ITPR2: variants seen among roughly 807,000 people sequenced by gnomAD.
ITPR2 encodes inositol 1,4,5-trisphosphate-gated calcium channel ITPR2.
In ITPR2, 207 loss-of-function variants were observed where a neutral mutation model predicts 317.1. The ratio of observed to expected loss-of-function variants is 0.65; its 90% CI spans 0.58 to 0.73. ITPR2 has a LOEUF of 0.73. ITPR2 is among the 30% of genes least tolerant of loss of function. ITPR2 has a pLI of 0.00. For missense variants in ITPR2, 2,613 were observed against 3,284.0 expected (o/e 0.80, Z 4.99); for synonymous variants, 1,156 against 1,149.1 (o/e 1.01, Z -0.12).
chr12:26,391,555 C>CTTTTTTTTTTTTTTTT lies in ITPR2; in HGVS notation c.7697-3962_7697-3961insAAAAAAAAAAAAAAAA, dbSNP rs1491173931. On this transcript the variant is annotated intron_variant, in intron 54 of 56. Transcript: ENST00000381340. ...AGCTTCTTCTTCTTCTTCTTCTTTTCCTTTTTTTTTTTTTTTTTTTTTTTT... is the reference window on the plus strand; with the variant it reads ...AGCTTCTTCTTCTTCTTCTTCTTTTCTTTTTTTTTTTTTTTTCTTTTTTTTTTTTTTTTTTTTTTTT... 1.0e-3 allele frequency among the ~76,000 whole-genome samples: 73 copies of CTTTTTTTTTTTTTTTT among 70,854 alleles called. 20 individuals are homozygous for CTTTTTTTTTTTTTTTT. The highest frequency in any genetic ancestry group is 1.4e-3 in the African/African-American group (27 of 18,636). 46.5% of individuals were successfully genotyped at this position (70,854 alleles called of 152,430 possible). A position where few individuals can be genotyped will look rare whatever the true frequency, so the allele number is the denominator to read the frequency against.
intron 2 of ITPR2, among the ~76,000 whole-genome samples, chr12:26,767,072 C>A (rs1396859274): frequency 6.6e-6 from 1 of 152,092 alleles, no homozygotes; most frequent in Non-Finnish European, 1.5e-5. Flanking sequence ...GCCAGTCCCC[C>A]AGTCATTCCT....
rs1946768430 is a variant in ITPR2, at chr12:26,632,149, G to A, written c.2741-90C>T. The A allele has an allele frequency of 5.1e-6, 5 of 986,810 alleles. No homozygotes were observed. In the South Asian group the frequency reaches 9.1e-5, roughly 18 times the overall value. 61.1% of individuals were successfully genotyped at this position (986,810 alleles called of 1,614,324 possible). On this transcript the variant is annotated intron_variant, in intron 21 of 56. Transcript: ENST00000381340. ...CAGTTAGTCACAACCACACTGAAAA[G>A]CAGCCAGGAAAAGGATTCAGGATAA...
rs769518617 is a variant in ITPR2 at position 26,656,281 on chromosome 12, C to A, written c.2444+16G>T. On this transcript the variant is annotated intron_variant, in intron 19 of 56. Transcript: ENST00000381340. Reference sequence around the variant, plus strand: ...CTGATGAATTCCAAAGCCTCAAGACCTTTTTCCAAACATACTCATGAATTG... The same window carrying A: ...CTGATGAATTCCAAAGCCTCAAGACATTTTTCCAAACATACTCATGAATTG... 3 of 1,612,374 alleles carry A rather than the reference C, an allele frequency of 1.9e-6. No individual in the cohort carries two copies. The highest frequency in any genetic ancestry group is 2.2e-5 in the East Asian group (1 of 44,858).
At chr12:26,569,216 A>G (rs1314390451) in intron 34 of ITPR2, among the ~76,000 whole-genome samples, 1 of 152,170 alleles carries the variant, frequency 6.6e-6, no homozygotes, top group Non-Finnish European at 1.5e-5. Flanking sequence ...ATTTAAAAAT[A>G]TTGCATGCCA....
At chr12:26,762,370 C>T (rs549301868) in intron 2 of ITPR2, among the ~76,000 whole-genome samples, 1 of 152,268 alleles carries the variant, frequency 6.6e-6, no homozygotes, top group East Asian at 1.9e-4. Context: ...AGAAAACTTA[C>T]ATAAGACTAT....
intron 29 of ITPR2, 113 bp downstream of exon 29, chr12:26,599,874 C>T: frequency 3.9e-6 from 3 of 766,604 alleles, no homozygotes; most frequent in Non-Finnish European, 6.1e-6. Context: ...AGAATTTCCA[C>T]AAGGAAAAAA....
intron 1 of ITPR2, among the ~76,000 whole-genome samples, chr12:26,820,592 T>C (rs1035505982): frequency 1.3e-5 from 2 of 152,210 alleles, no homozygotes; most frequent in Admixed American, 1.3e-4. Context: ...AACATAGCAT[T>C]ACCATATGAC....
intron 45 of ITPR2, among the ~76,000 whole-genome samples, chr12:26,455,294 A>G (rs1023928321): frequency 6.6e-6 from 1 of 150,628 alleles, no homozygotes; most frequent in Admixed American, 6.7e-5. Flanking sequence ...CATCAGACTA[A>G]GAAATATGCC....
chr12:26,773,809 T>C (rs891618071), intron 2 of ITPR2, among the ~76,000 whole-genome samples: 4 of 152,180 alleles, frequency 2.6e-5, no homozygotes, highest in Admixed American at 2.6e-4. Context: ...TGTGGTGTTC[T>C]CATTTCATCC....
chr12:26,476,660 T>C (rs370391865), intron 44 of ITPR2, among the ~76,000 whole-genome samples: 2 of 152,102 alleles, frequency 1.3e-5, no homozygotes, highest in African/African-American at 4.8e-5. Flanking sequence ...TTGCATATAG[T>C]TTAGTATAGT....
intron 37 of ITPR2, among the ~76,000 whole-genome samples, chr12:26,510,004 G>GTGTGTGTGTGTGTGTGTGT (rs1555144482): frequency 1.8e-5 from 2 of 112,132 alleles, no homozygotes; most frequent in East Asian, 2.4e-4. Flanking sequence ...GTGTGTGTGT[G>GTGTGTGTGTGTGTGTGTGT]GTGGGGGGTG....
chr12:26,465,660 A>G (rs1053761023), intron 45 of ITPR2, among the ~76,000 whole-genome samples: 1 of 151,652 alleles, frequency 6.6e-6, no homozygotes, highest in Non-Finnish European at 1.5e-5. Flanking sequence ...TCCTAAGCAC[A>G]CTCCTAACCT....
At chr12:26,725,084 T>C (rs538724902) in intron 3 of ITPR2, among the ~76,000 whole-genome samples, 389 of 152,284 alleles carry the variant, frequency 2.6e-3, no homozygotes, top group African/African-American at 8.9e-3. Flanking sequence ...GCCACTTTTA[T>C]GTTGGACATT....
chr12:26,536,576 T>C (rs952809856), intron 37 of ITPR2, among the ~76,000 whole-genome samples: 1 of 150,694 alleles, frequency 6.6e-6, no homozygotes, highest in Non-Finnish European at 1.5e-5. Context: ...GTCAGAGCAT[T>C]GGGATGCCTG....
chr12:26,674,768 A>C (rs1046614665), intron 13 of ITPR2, among the ~76,000 whole-genome samples: 17 of 152,168 alleles, frequency 1.1e-4, no homozygotes, highest in Admixed American at 3.3e-4. Context: ...CAACCCACAA[A>C]ATGGGAGAAA....
chr12:26,409,364 GC>G (rs1447870381), intron 52 of ITPR2, among the ~76,000 whole-genome samples: 1 of 152,162 alleles, frequency 6.6e-6, no homozygotes, highest in Non-Finnish European at 1.5e-5. Flanking sequence ...AGCAACATGG[GC>G]GGAATGATGT....
At chr12:26,490,395 TTGAC>T (rs1415937671) in intron 39 of ITPR2, among the ~76,000 whole-genome samples, 1 of 152,198 alleles carries the variant, frequency 6.6e-6, no homozygotes, top group Non-Finnish European at 1.5e-5. Context: ...CTTCTGCACA[TTGAC>T]TGAACCCCAA....
chr12:26,782,977 C>G (rs1303784899), intron 2 of ITPR2, among the ~76,000 whole-genome samples: 1 of 152,204 alleles, frequency 6.6e-6, no homozygotes, highest in Admixed American at 6.5e-5. Flanking sequence ...GTCAAAGCAA[C>G]TGCCTAGCAA....
At chr12:26,826,622 G>C (rs1007630874) in intron 1 of ITPR2, among the ~76,000 whole-genome samples, 16 of 152,170 alleles carry the variant, frequency 1.1e-4, no homozygotes, top group African/African-American at 3.9e-4. Context: ...ATGCTTTGAA[G>C]TCAGCGCATC....
Sources: allele counts gnomAD v4.1 joint callset (sites outside exome capture counted in the v4.1 genomes callset), GRCh38; gene constraint gnomAD v4.1.1; transcripts MANE v1.5; gene names NCBI Gene and HGNC (gene_info 2026-07-23, HGNC 2026-07-21).